The following ZNF766 variants were observed in gnomAD, a reference collection of about 807,000 sequenced individuals.
The protein encoded by ZNF766 is zinc finger protein 766.
A neutral mutation model predicts 13.2 loss-of-function variants in ZNF766; 13 were observed. The ratio of observed to expected loss-of-function variants is 0.98; its 90% CI spans 0.64 to 1.56. The LOEUF (loss-of-function observed/expected upper bound fraction) is 1.56. Among genes scored for constraint, ZNF766 ranks in the 40% most tolerant of loss-of-function variants. The probability of loss-of-function intolerance (pLI) is 0.00; values close to 1 mark genes in which losing one functional copy is unlikely to be tolerated. For synonymous variants in ZNF766, 178 were observed against 187.6 expected (o/e 0.95, Z 0.42); for missense variants, 521 against 552.2 (o/e 0.94, Z 0.57).
At chr19:52,272,381 T>C (rs368753781) in intron 1 of ZNF766, among the ~76,000 whole-genome samples, 1 of 152,218 alleles carries the variant, frequency 6.6e-6, no homozygotes, top group African/African-American at 2.4e-5. Flanking sequence ...TTGTTTCAGA[T>C]TTTTGTGTTA....
chr19:52,290,683 C>T lies in ZNF766; in HGVS notation c.892C>T (p.Pro298Ser). The change falls in exon 4 of 4, where the codon CCT becomes TCT. Residue 298 changes from proline to serine, a missense_variant. Pro to Ser is a moderately conservative substitution (Grantham distance 74). Transcript: ENST00000439461. ...RHQKIHTREK[P>S]HKCNKCGKVY... The stretch of plus-strand genomic sequence containing the variant: ...TCAGAAAATTCATACTAGAGAGAAA[C>T]CTCATAAATGTAACAAATGTGGCAA... 6.2e-7 allele frequency: 1 copy of T among 1,613,622 alleles called. No homozygotes were observed. Among genetic ancestry groups the T allele is most frequent in the Non-Finnish European group, 8.5e-7 (1 of 1,179,778 alleles).
In ZNF766 at chr19:52,295,077, C is replaced by CT. The variant is rs2122499536; in HGVS notation, c.*3880dup. ...TATATTCCATGGTTCATTTTCAACT[C>CT]TAATAAAATTATATTTTGTGTTTAT... On this transcript the variant is annotated 3_prime_UTR_variant, in exon 4 of 4. Coordinates refer to ENST00000439461, the MANE Select transcript of ZNF766 (RefSeq NM_001010851.3). 1 of 151,608 alleles carries CT rather than the reference C, an allele frequency of 6.6e-6. No homozygotes were observed. The highest frequency in any genetic ancestry group is 2.1e-4 in the South Asian group (1 of 4,806). The allele number at this position is 151,608 out of a possible 1,614,324, so 9.4% of individuals were successfully genotyped here.
At chr19:52,288,424 A>G (rs1981940504) in intron 3 of ZNF766, among the ~76,000 whole-genome samples, 1 of 152,194 alleles carries the variant, frequency 6.6e-6, no homozygotes, top group African/African-American at 2.4e-5. Context: ...TCACTGTGTC[A>G]CTTAGGCTGG....
At chr19:52,288,095 A>C (rs1370831357) in intron 3 of ZNF766, 1 of 354,538 alleles carries the variant, frequency 2.8e-6, no homozygotes, top group Non-Finnish European at 5.4e-6. Context: ...ATCTCGGCTC[A>C]CTGCAACTTC....
At chr19:52,284,911 T>G (rs570181195) in intron 3 of ZNF766, 1 of 152,030 alleles carries the variant, frequency 6.6e-6, no homozygotes, top group Non-Finnish European at 1.5e-5. Context: ...CCACCGCACG[T>G]GTTCAGCATG....
chr19:52,290,353 G>A lies in ZNF766; in HGVS notation c.562G>A (p.Glu188Lys), dbSNP rs1337492997. 5.6e-6 allele frequency: 9 copies of A among 1,614,050 alleles called. No individual in the cohort carries two copies. Among genetic ancestry groups the A allele is most frequent in the Admixed American group, 3.3e-5 (2 of 60,020 alleles). ...AGCACACATTAGGAGAAAACCTTAC[G>A]AATGTAATGAGCAGGGCAAAGTCTT... ...QKAHIRRKPYECNEQGKVFRV... is the reference protein window; with the variant it reads ...QKAHIRRKPYKCNEQGKVFRV... Residue 188 changes from glutamate to lysine, a missense_variant, in exon 4 of 4, where the codon GAA (glutamate) becomes AAA (lysine). Glu to Lys is a moderately conservative substitution (Grantham distance 56). Coordinates refer to ENST00000439461, the MANE Select transcript of ZNF766 (RefSeq NM_001010851.3).
chr19:52,276,599 G>GC (rs1981213965), intron 1 of ZNF766, among the ~76,000 whole-genome samples: 3 of 151,982 alleles, frequency 2.0e-5, no homozygotes, highest in East Asian at 1.9e-4. Context: ...TACTTAACAT[G>GC]CCCCCCAAGC....
At chr19:52,281,744 G>T (rs1025224667) in intron 1 of ZNF766, 1 of 469,482 alleles carries the variant, frequency 2.1e-6, no homozygotes, top group African/African-American at 2.0e-5. Flanking sequence ...CTAATGCCCA[G>T]ACACAAAATT....
At chr19:52,273,951 A>C (rs1009536350) in intron 1 of ZNF766, among the ~76,000 whole-genome samples, 1 of 152,204 alleles carries the variant, frequency 6.6e-6, no homozygotes, top group Non-Finnish European at 1.5e-5. Context: ...TAATATTTGA[A>C]GTTGATTCTA....
Position 52,291,196 on chromosome 19 carries a change from T to C in ZNF766, c.1405T>C (p.Ter469ArgextTer7). The part of the protein sequence containing the change: ...RSVHERVLTN[*>R] ...TGTTCATGAGAGAGTCCTTACAAAC[T>C]GAGTTTGGCAAACTCTATCATAAGT... Residue 469 changes from the stop codon to arginine (R), a stop_lost, in exon 4 of 4, where the codon TGA (stop) becomes CGA (arginine). Transcript: ENST00000439461. The C allele has an allele frequency of 6.4e-7, 1 of 1,554,160 alleles. No homozygotes were observed. The highest frequency in any genetic ancestry group is 8.7e-7 in the Non-Finnish European group (1 of 1,152,570).
At chr19:52,289,747 T>C (rs552023640) in intron 3 of ZNF766, among the ~76,000 whole-genome samples, 1 of 152,210 alleles carries the variant, frequency 6.6e-6, no homozygotes, top group East Asian at 1.9e-4. Context: ...ACACCTATAA[T>C]CCCAGCACTT....
rs773982235 is a variant in ZNF766, at chr19:52,290,233, C to T, written c.442C>T (p.Pro148Ser). ...KFISHSSSVS[P>S]LQRIYSGVKT... is the part of the protein sequence containing the mutation. ...CATCAGCCACAGTTCTTCAGTTTCGCCACTTCAAAGAATTTACTCTGGGGT... is the reference window on the plus strand; with the variant it reads ...CATCAGCCACAGTTCTTCAGTTTCGTCACTTCAAAGAATTTACTCTGGGGT... The change falls in exon 4 of 4, where the codon CCA (proline) becomes TCA (serine). Residue 148 changes from proline (P) to serine (S), a missense_variant. Transcript: ENST00000439461. 1 of 1,613,934 alleles carries T rather than the reference C, an allele frequency of 6.2e-7. No homozygotes were observed. The highest frequency in any genetic ancestry group is 1.1e-5 in the South Asian group (1 of 91,080).
At position 52,295,711 on chromosome 19, in the gene ZNF766, TTTATTTATTTTA is replaced by T. The variant is rs1170785136; in HGVS notation, c.*4525_*4536del. ...ATTCCAACCCTTTATCTTTATTTTA[TTTATTTATTTTA>T]TTATTTATTTTTTTGAGATGGAGTT... On this transcript the variant is annotated 3_prime_UTR_variant, in exon 4 of 4. Coordinates refer to ENST00000439461, the MANE Select transcript of ZNF766 (RefSeq NM_001010851.3). 2.0e-5 allele frequency: 3 copies of T among 152,024 alleles called. No individual in the cohort carries two copies. The highest frequency in any genetic ancestry group is 7.2e-5 in the African/African-American group (3 of 41,440). 9.4% of individuals were successfully genotyped at this position (152,024 alleles called of 1,614,324 possible). A position where few individuals can be genotyped will look rare whatever the true frequency, so the allele number is the denominator to read the frequency against.
rs1950743160 is a variant in ZNF766 at position 52,294,023 on chromosome 19, GATAAAC to G, written c.*2828_*2833del. 1 of 152,162 alleles carries G rather than the reference GATAAAC, an allele frequency of 6.6e-6. No individual in the cohort carries two copies. Among genetic ancestry groups the G allele is most frequent in the African/African-American group, 2.4e-5 (1 of 41,438 alleles). The allele number at this position is 152,162 out of a possible 1,614,324, so 9.4% of individuals were successfully genotyped here. A position where few individuals can be genotyped will look rare whatever the true frequency, so the allele number is the denominator to read the frequency against. Reference sequence around the variant, plus strand: ...TATGCCCTCAATGTTCATCACTGTTGATAAACATGCACTGTATTATGTTTCTGTGTG... The same window carrying G: ...TATGCCCTCAATGTTCATCACTGTTGATGCACTGTATTATGTTTCTGTGTG... On this transcript the variant is annotated 3_prime_UTR_variant, in exon 4 of 4. Coordinates refer to ENST00000439461, the MANE Select transcript of ZNF766 (RefSeq NM_001010851.3).
Position 52,292,469 on chromosome 19 carries a change from A to G in ZNF766, c.*1271A>G, listed in dbSNP as rs1982194286. Reference sequence around the variant, plus strand: ...AGAGTTCATCAGGGACTGATTACGTAGGAGAGACGATGCAGGGGAAATGGT... The same window carrying G: ...AGAGTTCATCAGGGACTGATTACGTGGGAGAGACGATGCAGGGGAAATGGT... On this transcript the variant is annotated 3_prime_UTR_variant, in exon 4 of 4. Transcript: ENST00000439461. 5.5e-6 allele frequency: 2 copies of G among 360,362 alleles called. No homozygotes were observed. The highest frequency in any genetic ancestry group is 1.0e-5 in the Non-Finnish European group (2 of 200,852). The allele number at this position is 360,362 out of a possible 1,614,324, so 22.3% of individuals were successfully genotyped here. A position where few individuals can be genotyped will look rare whatever the true frequency, so the allele number is the denominator to read the frequency against.
chr19:52,292,076 CAAAA>C lies in ZNF766; in HGVS notation c.*879_*882del. ...TGGGTGACAGAGCGAGACCCTGTCT[CAAAA>C]GAAAAAAAAGGCTAGTTTTTATGAC... is the stretch of plus-strand genomic sequence containing the variant. On this transcript the variant is annotated 3_prime_UTR_variant, in exon 4 of 4. Transcript: ENST00000439461. 1.4e-6 allele frequency: 1 copy of C among 694,420 alleles called. No homozygotes were observed. The highest frequency in any genetic ancestry group is 2.6e-6 in the Non-Finnish European group (1 of 381,794). The allele number at this position is 694,420 out of a possible 1,614,324, so 43.0% of individuals were successfully genotyped here.
intron 1 of ZNF766, among the ~76,000 whole-genome samples, chr19:52,277,994 CAA>C (rs1319118280): frequency 2.3e-5 from 3 of 131,890 alleles, no homozygotes; most frequent in African/African-American, 8.9e-5. Flanking sequence ...TTTTTGGAGA[CAA>C]GAGTCTTGCT....
At chr19:52,284,218 T>C (rs2434422) in intron 3 of ZNF766, among the ~76,000 whole-genome samples, 17,531 of 152,214 alleles carry the variant, frequency 0.12, 1,554 homozygotes, top group African/African-American at 0.24. Context: ...GAGTCCCTTT[T>C]CCCTGTGGTC....
At chr19:52,277,708 T>C (rs1261262363) in intron 1 of ZNF766, among the ~76,000 whole-genome samples, 3 of 152,066 alleles carry the variant, frequency 2.0e-5, no homozygotes, top group Non-Finnish European at 4.4e-5. Flanking sequence ...ATTCCATCTC[T>C]TGTGACCCAG....
Sources: gnomAD v4.1 joint callset for allele counts (sites outside exome capture counted in the v4.1 genomes callset) on GRCh38, gnomAD v4.1.1 for gene constraint, MANE v1.5 for transcripts, NCBI Gene and HGNC (gene_info 2026-07-23, HGNC 2026-07-21) for gene names.